Variants in OGT observed in about 807,000 individuals in gnomAD.
OGT encodes UDP-N-acetylglucosamine--peptide N-acetylglucosaminyltransferase 110 kDa subunit.
In OGT, 3 loss-of-function variants were observed where a neutral mutation model predicts 75.8. The ratio of observed to expected loss-of-function variants is 0.04; its 90% CI spans 0.02 to 0.10. The LOEUF (loss-of-function observed/expected upper bound fraction) is 0.10, where lower values mean the gene tolerates loss of function less well. OGT is among the 10% of genes least tolerant of loss of function. The pLI, the probability that OGT is intolerant of heterozygous loss-of-function variation, is 1.00. For synonymous variants in OGT, 257 were observed against 289.7 expected, an observed-to-expected ratio of 0.89 and a Z score of 1.15; for missense variants, 260 against 824.4, an observed-to-expected ratio of 0.32 and a Z score of 8.38.
chrX:71,552,076 G>T (rs1034071168), intron 5 of OGT, among the ~76,000 whole-genome samples: 11 of 108,522 alleles, frequency 1.0e-4, no homozygotes, highest in Non-Finnish European at 1.9e-5. Context: ...AAACAGCTGG[G>T]TGCGGTGCGG....
chrX:71,552,594 T>A (rs1256831453), intron 5 of OGT, among the ~76,000 whole-genome samples: 2 of 110,405 alleles, frequency 1.8e-5, no homozygotes, highest in African/African-American at 6.6e-5. Flanking sequence ...TTTGCCATGT[T>A]CCCAGGTCTT....
chrX:71,561,072 C>T (rs1309102294), intron 14 of OGT, among the ~76,000 whole-genome samples: 4 of 109,347 alleles, frequency 3.7e-5, no homozygotes, highest in Admixed American at 9.8e-5. Flanking sequence ...GGATTACAGG[C>T]GCCTGCCACC....
chrX:71,541,148 C>G (rs1024989514), intron 3 of OGT, among the ~76,000 whole-genome samples: 1 of 112,006 alleles, frequency 8.9e-6, no homozygotes, highest in Non-Finnish European at 1.9e-5. Context: ...AGGTCTGTTT[C>G]TGAATCTATA....
At position 71,557,406 on chromosome X, in the gene OGT, C is replaced by A. The variant is rs898702302; in HGVS notation, c.1423-87C>A. ...GGAAATAGTATTTTTAATAGGCTAT[C>A]TGACATTACTTTAGGCCAAAGACAT... On this transcript the variant is annotated intron_variant, in intron 11 of 21. Transcript: ENST00000373719. 4 of 1,066,761 alleles carry A rather than the reference C, an allele frequency of 3.7e-6. No individual in the cohort carries two copies. The East Asian group carries it at 9.1e-5, about 24-fold the overall frequency. 87.9% of individuals were successfully genotyped at this position (1,066,761 alleles called of 1,213,427 possible).
At chrX:71,560,036 C>T in intron 14 of OGT, among the ~76,000 whole-genome samples, 1 of 110,583 alleles carries the variant, frequency 9.0e-6, no homozygotes, top group Non-Finnish European at 1.9e-5. Context: ...AATCCCAGCA[C>T]TTTGGGAGGT....
At chrX:71,540,012 T>C (rs1015055428) in intron 3 of OGT, among the ~76,000 whole-genome samples, 1 of 112,522 alleles carries the variant, frequency 8.9e-6, no homozygotes, top group Non-Finnish European at 1.9e-5. Flanking sequence ...AGGAAGCTTA[T>C]TGTTGTACCC....
chrX:71,542,366 G>A (rs750714392), intron 3 of OGT, among the ~76,000 whole-genome samples: 2 of 111,790 alleles, frequency 1.8e-5, no homozygotes, highest in African/African-American at 3.3e-5. Context: ...GGATTTCACC[G>A]TTACATTTAA....
intron 5 of OGT, among the ~76,000 whole-genome samples, chrX:71,548,601 G>A (rs772657073): frequency 8.9e-5 from 10 of 112,055 alleles, no homozygotes; most frequent in Non-Finnish European, 1.9e-4. Flanking sequence ...ATGAAATCAT[G>A]TCCTTTGCAG....
chrX:71,570,033 GTTTTTTTTTTTTTT>G (rs34416880), intron 21 of OGT, among the ~76,000 whole-genome samples: 1 of 26,518 alleles, frequency 3.8e-5, no homozygotes, highest in Admixed American at 5.2e-4. Flanking sequence ...TGTGCCTGGC[GTTTTTTTTTTTTTT>G]TTTTTTTTTT....
chrX:71,557,147 A>G (rs1237206658), intron 10 of OGT, 42 bp downstream of exon 10: 2 of 1,202,499 alleles, frequency 1.7e-6, no homozygotes, highest in Non-Finnish European at 1.1e-6. Context: ...AACACCTAAA[A>G]TTTAACTTTT....
intron 19 of OGT, among the ~76,000 whole-genome samples, chrX:71,566,722 GT>G (rs1314930606): frequency 8.9e-6 from 1 of 112,289 alleles, no homozygotes; most frequent in Non-Finnish European, 1.9e-5. Context: ...TAGTATGACT[GT>G]TCCTGCATCT....
intron 21 of OGT, among the ~76,000 whole-genome samples, chrX:71,569,483 A>G (rs1463892398): frequency 9.1e-6 from 1 of 109,551 alleles, no homozygotes; most frequent in Admixed American, 9.7e-5. Context: ...ATAAACTAGT[A>G]TTTCTTTCAT....
intron 1 of OGT, among the ~76,000 whole-genome samples, chrX:71,533,858 C>G (rs769494722): frequency 2.7e-5 from 3 of 111,096 alleles, no homozygotes; most frequent in South Asian, 7.7e-4. Context: ...CACCCGAGGA[C>G]GATCAAAAGC....
At position 71,574,562 on chromosome X, in the gene OGT, G is replaced by A; in HGVS notation, c.*768G>A. ...GGGTGTTTTAAACACACCATCTGGT[G>A]CCAAATGAAGATTTTTAGGAGTGAT... On this transcript the variant is annotated 3_prime_UTR_variant, in exon 22 of 22. Transcript: ENST00000373719. 1 of 110,773 alleles carries A rather than the reference G, an allele frequency of 9.0e-6. No homozygotes were observed. The allele number at this position is 110,773 out of a possible 1,213,427, so 9.1% of individuals were successfully genotyped here. A position where few individuals can be genotyped will look rare whatever the true frequency, so the allele number is the denominator to read the frequency against.
chrX:71,546,717 A>AT (rs202006765), intron 4 of OGT: 52 of 750,546 alleles, frequency 6.9e-5, no homozygotes, highest in African/African-American at 9.2e-5. Context: ...CTTGTTGTTC[A>AT]TTTTTTTTCC....
intron 21 of OGT, 87 bp downstream of exon 21, chrX:71,568,203 A>G: frequency 1.2e-6 from 1 of 837,370 alleles, no homozygotes; most frequent in Non-Finnish European, 1.6e-6. Context: ...TAAGTGTAAT[A>G]TAAAATAGGT....
chrX:71,569,936 A>G (rs771333292), intron 21 of OGT, among the ~76,000 whole-genome samples: 2 of 102,804 alleles, frequency 1.9e-5, no homozygotes, highest in South Asian at 9.1e-4. Flanking sequence ...GGGTTTCACC[A>G]TGTTGGCCAG....
chrX:71,538,892 G>A (rs1382234483), intron 3 of OGT, among the ~76,000 whole-genome samples: 1 of 112,053 alleles, frequency 8.9e-6, no homozygotes, highest in Non-Finnish European at 1.9e-5. Flanking sequence ...TTTACTGAAA[G>A]TCTGTGTGGT....
At chrX:71,572,901 A>G (rs2040468381) in intron 21 of OGT, among the ~76,000 whole-genome samples, 1 of 112,537 alleles carries the variant, frequency 8.9e-6, no homozygotes, top group Non-Finnish European at 1.9e-5. Flanking sequence ...GGAAGTAGAA[A>G]TCTTTTCCCC....
Sources: allele counts gnomAD v4.1 joint callset (sites outside exome capture counted in the v4.1 genomes callset), GRCh38; gene constraint gnomAD v4.1.1; transcripts MANE v1.5; gene names NCBI Gene and HGNC (gene_info 2026-07-23, HGNC 2026-07-21).